The following GPC6 variants were observed in gnomAD, a reference collection of about 807,000 sequenced individuals.
GPC6 encodes glypican 6, also known as glypican-6.
In GPC6, 14 loss-of-function variants were observed where a neutral mutation model predicts 55.2. The ratio of observed to expected loss-of-function variants is 0.25; its 90% confidence interval spans 0.17 to 0.40. GPC6 has a LOEUF of 0.40. GPC6 is among the 10% of genes least tolerant of loss of function. The pLI, the probability that GPC6 is intolerant of heterozygous loss-of-function variation, is 1.00. For missense variants in GPC6, 641 were observed against 708.5 expected (o/e 0.90, Z 1.08); for synonymous variants, 278 against 259.6 (o/e 1.07, Z -0.68).
intron 2 of GPC6, among the ~76,000 whole-genome samples, chr13:93,589,579 A>T (rs939543198): frequency 6.6e-6 from 1 of 152,148 alleles, no homozygotes; most frequent in Non-Finnish European, 1.5e-5. Flanking sequence ...TATCTTGTCA[A>T]AGGGGACTGA....
intron 3 of GPC6, among the ~76,000 whole-genome samples, chr13:93,881,770 A>G (rs1182613646): frequency 2.0e-5 from 3 of 152,114 alleles, no homozygotes; most frequent in East Asian, 1.9e-4. Context: ...AGCTAATCCA[A>G]TATCCTAGTG....
At chr13:94,086,470 A>G (rs1885286207) in intron 4 of GPC6, among the ~76,000 whole-genome samples, 1 of 34,348 alleles carries the variant, frequency 2.9e-5, no homozygotes, top group African/African-American at 6.6e-5. Flanking sequence ...TTAATTTTGT[A>G]CATGACTAAA....
chr13:93,775,904 G>A (rs1023950679), intron 2 of GPC6, among the ~76,000 whole-genome samples: 8 of 152,106 alleles, frequency 5.3e-5, no homozygotes, highest in African/African-American at 1.9e-4. Context: ...TCTGCAGCAT[G>A]ACTCATTATT....
At chr13:93,526,009 A>G (rs1048544188) in intron 1 of GPC6, among the ~76,000 whole-genome samples, 2 of 152,042 alleles carry the variant, frequency 1.3e-5, no homozygotes, top group Non-Finnish European at 2.9e-5. Flanking sequence ...AACCTTGACA[A>G]TTATTAGGTA....
chr13:93,227,309 G>T lies in GPC6; in HGVS notation c.-148G>T. The T allele has an allele frequency of 6.8e-6, 5 of 730,594 alleles. No individual in the cohort carries two copies. In the South Asian group the frequency reaches 6.9e-5, roughly 10 times the overall value. 45.3% of individuals were successfully genotyped at this position (730,594 alleles called of 1,614,324 possible). A position where few individuals can be genotyped will look rare whatever the true frequency, so the allele number is the denominator to read the frequency against. On this transcript the variant is annotated 5_prime_UTR_variant, in exon 1 of 9. Transcript: ENST00000377047. The surrounding 1 kb of genome is among the most constrained non-coding windows in gnomAD (Gnocchi z 4.3). The stretch of plus-strand genomic sequence containing the variant: ...TGCTGAGCGCAGTCCAGAGGGCTGC[G>T]CTGCTCGTCCCCTCGGCTGGCAGAA...
intron 3 of GPC6, among the ~76,000 whole-genome samples, chr13:93,910,808 A>G (rs568682040): frequency 6.6e-6 from 1 of 152,310 alleles, no homozygotes; most frequent in South Asian, 2.1e-4. Flanking sequence ...ATTCTAATGA[A>G]TTATTCAGAA....
chr13:94,274,405 C>A lies in GPC6; in HGVS notation c.878-11944C>A, dbSNP rs541233011. Among the ~76,000 whole-genome samples the A allele has an allele frequency of 9.5e-4, 145 of 152,034 alleles. 1 individual carries two copies. Among genetic ancestry groups the A allele is most frequent in the Non-Finnish European group, 2.0e-3 (136 of 67,972 alleles). Reference sequence around the variant, plus strand: ...ACTGTCATTATTCTGGATGGCTGTCCCTGTTTTATTTTTGAATCTGATATC... The same window carrying A: ...ACTGTCATTATTCTGGATGGCTGTCACTGTTTTATTTTTGAATCTGATATC... On this transcript the variant is annotated intron_variant, in intron 4 of 8. Transcript: ENST00000377047.
At chr13:93,417,851 T>A (rs893870053) in intron 1 of GPC6, among the ~76,000 whole-genome samples, 1 of 151,872 alleles carries the variant, frequency 6.6e-6, no homozygotes, top group Non-Finnish European at 1.5e-5. Context: ...GACAAAAAAA[T>A]AAAAAATAAA....
At chr13:94,065,823 A>G (rs1413757742) in intron 4 of GPC6, among the ~76,000 whole-genome samples, 1 of 152,214 alleles carries the variant, frequency 6.6e-6, no homozygotes, top group Non-Finnish European at 1.5e-5. Flanking sequence ...TTCATTCAGT[A>G]TCTACTGAGT....
intron 3 of GPC6, among the ~76,000 whole-genome samples, chr13:93,941,046 C>A (rs957220887): frequency 2.0e-5 from 3 of 152,084 alleles, no homozygotes; most frequent in Admixed American, 1.3e-4. Flanking sequence ...AATTTCCTTT[C>A]CTTCTCATAA....
chr13:93,393,096 T>A, intron 1 of GPC6, among the ~76,000 whole-genome samples: 1 of 139,996 alleles, frequency 7.1e-6, no homozygotes, highest in African/African-American at 2.7e-5. Flanking sequence ...TAGAGAAAAA[T>A]ATGTATATTT....
At chr13:93,433,380 A>G (rs1877443691) in intron 1 of GPC6, among the ~76,000 whole-genome samples, 1 of 152,182 alleles carries the variant, frequency 6.6e-6, no homozygotes, top group Non-Finnish European at 1.5e-5. Context: ...CTGGGGCCAA[A>G]TGTTTTCTGG....
chr13:93,990,776 T>C (rs1881264556), intron 3 of GPC6, among the ~76,000 whole-genome samples: 1 of 151,766 alleles, frequency 6.6e-6, no homozygotes, highest in Non-Finnish European at 1.5e-5. Flanking sequence ...GGCATGAGGA[T>C]TCCTCGAGCC....
chr13:93,541,708 T>C (rs2139427881), intron 1 of GPC6, among the ~76,000 whole-genome samples: 2 of 144,826 alleles, frequency 1.4e-5, no homozygotes, highest in Admixed American at 1.4e-4. Context: ...GACTTTTTAA[T>C]GATTGCCATT....
intron 3 of GPC6, among the ~76,000 whole-genome samples, chr13:93,898,804 G>A (rs960389945): frequency 6.6e-6 from 1 of 151,658 alleles, no homozygotes; most frequent in African/African-American, 2.4e-5. Flanking sequence ...GCACAGCTTA[G>A]GAAGGGCAAG....
At chr13:93,510,157 T>A (rs1880895408) in intron 1 of GPC6, among the ~76,000 whole-genome samples, 1 of 152,190 alleles carries the variant, frequency 6.6e-6, no homozygotes, top group African/African-American at 2.4e-5. Context: ...TTGTTACATG[T>A]AATGTGTAGT....
intron 1 of GPC6, among the ~76,000 whole-genome samples, chr13:93,477,886 T>C (rs921118267): frequency 2.0e-5 from 3 of 152,208 alleles, no homozygotes; most frequent in Non-Finnish European, 2.9e-5. Flanking sequence ...TAAGAACAAA[T>C]GTATGAAGGC....
At chr13:93,811,529 T>C (rs1043988972) in intron 2 of GPC6, among the ~76,000 whole-genome samples, 3 of 152,004 alleles carry the variant, frequency 2.0e-5, no homozygotes, top group Admixed American at 1.3e-4. Flanking sequence ...GGTCAGTAAA[T>C]AGTGTGAGGA....
intron 3 of GPC6, among the ~76,000 whole-genome samples, chr13:93,845,840 G>A (rs1347285158): frequency 8.3e-6 from 1 of 120,322 alleles, no homozygotes; most frequent in Non-Finnish European, 1.7e-5. Flanking sequence ...TTGTGGGGTG[G>A]GGGGAGGGGG....
Sources: allele counts gnomAD v4.1 joint callset (sites outside exome capture counted in the v4.1 genomes callset), GRCh38; gene constraint gnomAD v4.1.1; non-coding constraint Gnocchi (gnomAD v3.1); transcripts MANE v1.5; gene names NCBI Gene and HGNC (gene_info 2026-07-23, HGNC 2026-07-21).